GNAL: variants seen among roughly 807,000 people sequenced by gnomAD.
The protein encoded by GNAL is guanine nucleotide-binding protein G(olf) subunit alpha.
GNAL carries 18 observed loss-of-function variants against 55.1 expected under a neutral mutation model. The observed-to-expected ratio is 0.33, with a 90% confidence interval of 0.23 to 0.48. GNAL has a LOEUF of 0.48. Among genes scored for constraint, GNAL ranks in the 20% least tolerant of loss-of-function variants. The pLI is 0.99. For synonymous variants in GNAL, 253 were observed against 237.0 expected, an observed-to-expected ratio of 1.07 and a Z score of -0.62; for missense variants, 412 against 614.1, an observed-to-expected ratio of 0.67 and a Z score of 3.48.
intron 4 of GNAL, among the ~76,000 whole-genome samples, chr18:11,769,084 T>G (rs1429445531): frequency 1.1e-5 from 1 of 90,394 alleles, no homozygotes; most frequent in Non-Finnish European, 1.8e-5. Context: ...TTATATAAAT[T>G]ATATGTAATA....
chr18:11,849,764 C>CA (rs1416088118), intron 5 of GNAL, among the ~76,000 whole-genome samples: 2 of 152,014 alleles, frequency 1.3e-5, no homozygotes, highest in Non-Finnish European at 2.9e-5. Flanking sequence ...CTTTGCGGGG[C>CA]AAAAAGGAAC....
chr18:11,754,445 G>A (rs1048599423), intron 4 of GNAL, among the ~76,000 whole-genome samples: 1 of 151,964 alleles, frequency 6.6e-6, no homozygotes, highest in African/African-American at 2.4e-5. Context: ...AACTACAATG[G>A]GATTGCAAGA....
chr18:11,773,747 G>A (rs2033700982), intron 4 of GNAL, among the ~76,000 whole-genome samples: 1 of 152,196 alleles, frequency 6.6e-6, no homozygotes, highest in African/African-American at 2.4e-5. Flanking sequence ...TTGCAGCACT[G>A]TGCTCTAGCC....
At chr18:11,696,269 G>A (rs8099342) in intron 1 of GNAL, among the ~76,000 whole-genome samples, 5 of 151,882 alleles carry the variant, frequency 3.3e-5, no homozygotes, top group Admixed American at 1.3e-4. Context: ...TTGGGAGGCC[G>A]AGGCGGGTGG....
intron 4 of GNAL, among the ~76,000 whole-genome samples, chr18:11,776,232 GC>G (rs1362331909): frequency 6.6e-6 from 1 of 151,996 alleles, no homozygotes; most frequent in Non-Finnish European, 1.5e-5. Context: ...AGCCACTTTG[GC>G]TCTGACGATA....
intron 4 of GNAL, among the ~76,000 whole-genome samples, chr18:11,794,842 T>C (rs2034336135): frequency 6.6e-6 from 1 of 151,562 alleles, no homozygotes. Context: ...TTTTGTTTGT[T>C]TGTTTGTTTG....
chr18:11,869,683 C>T (rs527247727), intron 9 of GNAL, among the ~76,000 whole-genome samples: 7 of 152,076 alleles, frequency 4.6e-5, no homozygotes, highest in East Asian at 1.9e-4. Flanking sequence ...GAGGCTGAGA[C>T]GGGGGAATTG....
At chr18:11,762,553 G>A (rs1598436458) in intron 4 of GNAL, among the ~76,000 whole-genome samples, 1 of 152,340 alleles carries the variant, frequency 6.6e-6, no homozygotes, top group East Asian at 1.9e-4. Context: ...AATCTTCCTT[G>A]AATGGGACGG....
intron 4 of GNAL, among the ~76,000 whole-genome samples, chr18:11,795,926 G>C (rs571847090): frequency 2.6e-5 from 4 of 152,330 alleles, no homozygotes; most frequent in African/African-American, 9.6e-5. Flanking sequence ...CATCTCACCA[G>C]CTCCAGGTGA....
At chr18:11,731,018 A>C (rs569328396) in intron 1 of GNAL, among the ~76,000 whole-genome samples, 1 of 152,340 alleles carries the variant, frequency 6.6e-6, no homozygotes, top group East Asian at 1.9e-4. Context: ...TGCCACACAG[A>C]ATCTATTGCA....
chr18:11,695,731 T>C (rs775905360), intron 1 of GNAL, among the ~76,000 whole-genome samples: 1 of 152,256 alleles, frequency 6.6e-6, no homozygotes, highest in Non-Finnish European at 1.5e-5. Context: ...TTTTTTCAAT[T>C]ATTTCTTGTT....
intron 1 of GNAL, among the ~76,000 whole-genome samples, chr18:11,713,352 G>A (rs945812574): frequency 1.3e-5 from 2 of 152,328 alleles, no homozygotes; most frequent in African/African-American, 2.4e-5. Context: ...CTGTAGGCTG[G>A]CTAAGTGCAA....
At chr18:11,712,038 G>A (rs1598406774) in intron 1 of GNAL, among the ~76,000 whole-genome samples, 1 of 152,156 alleles carries the variant, frequency 6.6e-6, no homozygotes, top group African/African-American at 2.4e-5. Context: ...CATAGGCCAG[G>A]GTGCCCCACT....
intron 4 of GNAL, among the ~76,000 whole-genome samples, chr18:11,770,292 T>C (rs1306428629): frequency 6.6e-6 from 1 of 152,104 alleles, no homozygotes; most frequent in African/African-American, 2.4e-5. Flanking sequence ...AAAATAAAAA[T>C]ATTACCAAAT....
At chr18:11,733,959 G>A (rs760346765) in intron 1 of GNAL, among the ~76,000 whole-genome samples, 4 of 151,298 alleles carry the variant, frequency 2.6e-5, no homozygotes, top group Non-Finnish European at 5.9e-5. Context: ...TGTCCGTTCT[G>A]TAGAACTGCG....
chr18:11,754,292 C>T (rs1428863503), intron 4 of GNAL, among the ~76,000 whole-genome samples: 2 of 151,888 alleles, frequency 1.3e-5, no homozygotes, highest in Non-Finnish European at 2.9e-5. Context: ...TGGTGTGCGC[C>T]TGTAATCCCA....
chr18:11,880,113 C>T (rs1338511643), intron 11 of GNAL, among the ~76,000 whole-genome samples: 1 of 150,782 alleles, frequency 6.6e-6, no homozygotes, highest in Non-Finnish European at 1.5e-5. Context: ...AAAAAGTAGC[C>T]AGGCGTGGTG....
At chr18:11,812,824 CAG>C (rs1322495442) in intron 4 of GNAL, among the ~76,000 whole-genome samples, 2 of 151,188 alleles carry the variant, frequency 1.3e-5, no homozygotes, top group African/African-American at 4.9e-5. Context: ...GCCTGGGTGA[CAG>C]AGTGAGACTC....
intron 4 of GNAL, among the ~76,000 whole-genome samples, chr18:11,783,700 C>T (rs114933430): frequency 3.1e-3 from 470 of 152,234 alleles, no homozygotes; most frequent in African/African-American, 0.01. Context: ...TATATTTTAA[C>T]GCTATACAAA....
Sources: gnomAD v4.1 joint callset for allele counts (sites outside exome capture counted in the v4.1 genomes callset) on GRCh38, gnomAD v4.1.1 for gene constraint, MANE v1.5 for transcripts, NCBI Gene and HGNC (gene_info 2026-07-23, HGNC 2026-07-21) for gene names.